The following MTHFD2L variants were observed in gnomAD, a reference collection of about 807,000 sequenced individuals.
MTHFD2L encodes methylenetetrahydrofolate dehydrogenase (NADP+ dependent) 2 like.
A neutral mutation model predicts 34.9 loss-of-function variants in MTHFD2L; 29 were observed. The observed-to-expected ratio is 0.83, with a 90% confidence interval of 0.62 to 1.13. The LOEUF is 1.13. Among genes scored for constraint, MTHFD2L ranks in the 50% most tolerant of loss-of-function variants. MTHFD2L has a pLI of 0.00. For missense variants in MTHFD2L, 481 were observed against 446.5 expected (o/e 1.08, Z -0.70); for synonymous variants, 167 against 155.7 (o/e 1.07, Z -0.54).
chr4:74,196,849 G>A (rs956358167), intron 3 of MTHFD2L, among the ~76,000 whole-genome samples: 41 of 151,658 alleles, frequency 2.7e-4, no homozygotes, highest in African/African-American at 8.5e-4. Context: ...GGGAGGCTGA[G>A]GCAGAAGAAT....
chr4:74,297,971 C>T (rs559667606), intron 7 of MTHFD2L, among the ~76,000 whole-genome samples: 5 of 151,994 alleles, frequency 3.3e-5, no homozygotes, highest in African/African-American at 7.2e-5. Context: ...CTGATCCTTA[C>T]GTAAATGGGC....
intron 1 of MTHFD2L, among the ~76,000 whole-genome samples, chr4:74,171,963 A>G (rs1728102930): frequency 1.3e-5 from 2 of 152,362 alleles, no homozygotes; most frequent in South Asian, 4.1e-4. Flanking sequence ...TATCCATACA[A>G]TGTAATACTA....
At chr4:74,183,033 C>T (rs1390666224) in intron 3 of MTHFD2L, 2 of 151,842 alleles carry the variant, frequency 1.3e-5, no homozygotes. Context: ...GCTCATGAAA[C>T]ATGAAGAAAA....
At chr4:74,169,143 A>T (rs1727373055) in intron 1 of MTHFD2L, among the ~76,000 whole-genome samples, 1 of 152,248 alleles carries the variant, frequency 6.6e-6, no homozygotes, top group Admixed American at 6.5e-5. Flanking sequence ...AACACCAGCT[A>T]GCCAGGCTGT....
intron 6 of MTHFD2L, chr4:74,242,187 A>C (rs1422601442): frequency 9.6e-5 from 4 of 41,670 alleles, no homozygotes; most frequent in African/African-American, 2.4e-4. Flanking sequence ...TAAAGCATAT[A>C]GTAAATAAGT....
In MTHFD2L at chr4:74,209,391, G is replaced by A. The variant is rs1242644235; in HGVS notation, c.712+8021G>A. 4.6e-5 allele frequency among the ~76,000 whole-genome samples: 7 copies of A among 152,094 alleles called. No individual in the cohort carries two copies. In the East Asian group the frequency reaches 7.7e-4, roughly 17 times the overall value. ...AGGTGTGTGTGATGTTCCCCTCCCT[G>A]TGTCCATGTGTTCTCGTTGTTCAAC... On this transcript the variant is annotated intron_variant, in intron 5 of 7. Transcript: ENST00000325278.
intron 4 of MTHFD2L, among the ~76,000 whole-genome samples, chr4:74,200,208 A>G (rs943657640): frequency 6.6e-6 from 1 of 152,154 alleles, no homozygotes; most frequent in Non-Finnish European, 1.5e-5. Context: ...GCTACCTCGG[A>G]GGCTGAGGAA....
chr4:74,218,624 C>CA (rs1031701105), intron 5 of MTHFD2L, among the ~76,000 whole-genome samples: 12 of 150,612 alleles, frequency 8.0e-5, no homozygotes, highest in Middle Eastern at 3.4e-3. Context: ...GCCCCCCCCC[C>CA]ACCACCAAAA....
chr4:74,194,125 A>T (rs1011218213), intron 3 of MTHFD2L: 2 of 152,168 alleles, frequency 1.3e-5, no homozygotes, highest in African/African-American at 4.8e-5. Flanking sequence ...AAGTTATCTT[A>T]TCCTTAGATG....
chr4:74,171,871 CA>C (rs1449835650), intron 1 of MTHFD2L, among the ~76,000 whole-genome samples: 1 of 152,142 alleles, frequency 6.6e-6, no homozygotes, highest in East Asian at 1.9e-4. Context: ...ATGTTTGTAA[CA>C]GCTGTATTTG....
chr4:74,146,706 C>T (rs493135), intron 1 of MTHFD2L, among the ~76,000 whole-genome samples: 150,161 of 152,352 alleles, frequency 0.99, 74,043 homozygotes, highest in East Asian at 1. Context: ...TGAAAAGTTT[C>T]TGTTATTTCT....
At chr4:74,277,802 T>C (rs1746876171) in intron 6 of MTHFD2L, among the ~76,000 whole-genome samples, 2 of 150,780 alleles carry the variant, frequency 1.3e-5, no homozygotes, top group Non-Finnish European at 1.5e-5. Flanking sequence ...TTTAGGTGTA[T>C]GCATTTGTTT....
At chr4:74,208,430 A>G (rs1199341998) in intron 5 of MTHFD2L, among the ~76,000 whole-genome samples, 4 of 152,180 alleles carry the variant, frequency 2.6e-5, no homozygotes, top group Non-Finnish European at 4.4e-5. Flanking sequence ...CACACTGTTG[A>G]AAAGAACAGT....
upstream of MTHFD2L, chr4:74,158,055 G>C (rs1432909259): frequency 6.5e-7 from 1 of 1,527,126 alleles, no homozygotes; most frequent in Admixed American, 2.0e-5. Flanking sequence ...GCCAGCCCGG[G>C]TGAGGGCGGA....
rs140056331 is a variant in MTHFD2L, at chr4:74,130,807, G to A, written c.-297+5290G>A. Among the ~76,000 whole-genome samples the A allele has an allele frequency of 2.2e-4, 34 of 152,222 alleles. No individual in the cohort carries two copies. The East Asian group carries it at 6.0e-3, about 27-fold the overall frequency. ...AGAGGGAGTCAAATTGTCTCTATTT[G>A]CAAATGACATGATTATATATTCAGA... is the stretch of plus-strand genomic sequence containing the variant. On this transcript the variant is annotated intron_variant, in intron 1 of 7. Transcript: ENST00000433372.
chr4:74,179,883 G>T (rs1046163215), intron 3 of MTHFD2L, among the ~76,000 whole-genome samples: 3 of 152,036 alleles, frequency 2.0e-5, no homozygotes, highest in East Asian at 1.9e-4. Flanking sequence ...TAATTTTCAG[G>T]TTGCGGTGTA....
intron 3 of MTHFD2L, among the ~76,000 whole-genome samples, chr4:74,176,142 C>T (rs770861056): frequency 5.3e-5 from 8 of 152,076 alleles, no homozygotes; most frequent in Admixed American, 2.0e-4. Context: ...TTTTTTATTA[C>T]GATCACTTTC....
intron 7 of MTHFD2L, among the ~76,000 whole-genome samples, chr4:74,291,319 T>G (rs892080904): frequency 6.6e-6 from 1 of 151,964 alleles, no homozygotes; most frequent in Non-Finnish European, 1.5e-5. Context: ...CTGGCCCATT[T>G]CTTTTATATC....
upstream of MTHFD2L, chr4:74,156,696 C>T (rs1724290145): frequency 6.6e-6 from 1 of 152,160 alleles, no homozygotes; most frequent in African/African-American, 2.4e-5. Context: ...TTCCTGTTGC[C>T]ACACATCCTT....
Sources: allele counts gnomAD v4.1 joint callset (sites outside exome capture counted in the v4.1 genomes callset), GRCh38; gene constraint gnomAD v4.1.1; transcripts MANE v1.5; gene names NCBI Gene and HGNC (gene_info 2026-07-23, HGNC 2026-07-21).